Variants in AGBL4 observed in about 807,000 individuals in gnomAD.
The protein encoded by AGBL4 is cytosolic carboxypeptidase 6.
A neutral mutation model predicts 66.4 loss-of-function variants in AGBL4; 58 were observed. The ratio of observed to expected loss-of-function variants is 0.87; its 90% CI spans 0.71 to 1.09. AGBL4 has a LOEUF of 1.09. AGBL4 is among the 50% of genes least tolerant of loss of function. The pLI, the probability that AGBL4 is intolerant of heterozygous loss-of-function variation, is 0.00. For missense variants in AGBL4, 579 were observed against 631.0 expected, an observed-to-expected ratio of 0.92 and a Z score of 0.88; for synonymous variants, 234 against 222.9, an observed-to-expected ratio of 1.05 and a Z score of -0.44.
chr1:48,631,960 T>C (rs1557841195), intron 9 of AGBL4, among the ~76,000 whole-genome samples: 1 of 152,222 alleles, frequency 6.6e-6, no homozygotes, highest in African/African-American at 2.4e-5. Flanking sequence ...TACATACTTA[T>C]CAGTATTTAC....
chr1:49,433,582 C>T (rs1246008582), intron 3 of AGBL4, among the ~76,000 whole-genome samples: 2 of 152,006 alleles, frequency 1.3e-5, no homozygotes, highest in Non-Finnish European at 2.9e-5. Context: ...CCCATTTTTC[C>T]ACAAATATTA....
intron 2 of AGBL4, among the ~76,000 whole-genome samples, chr1:49,776,626 C>T (rs1644205222): frequency 6.6e-6 from 1 of 152,070 alleles, no homozygotes; most frequent in Non-Finnish European, 1.5e-5. Context: ...CATCACTGCT[C>T]TTCACATAAC....
At chr1:48,769,550 C>CACAT (rs1281175767) in intron 6 of AGBL4, among the ~76,000 whole-genome samples, 2 of 146,962 alleles carry the variant, frequency 1.4e-5, no homozygotes, top group Non-Finnish European at 3.0e-5. Flanking sequence ...CACACACACA[C>CACAT]ACACACACAC....
intron 11 of AGBL4, among the ~76,000 whole-genome samples, chr1:48,573,065 C>T (rs752935588): frequency 1.3e-5 from 2 of 152,178 alleles, no homozygotes; most frequent in Non-Finnish European, 2.9e-5. Flanking sequence ...GCCTCTACAC[C>T]GGCCCAGCGC....
the AGBL4 span, among the ~76,000 whole-genome samples, chr1:48,522,603 A>G: frequency 6.6e-6 from 1 of 152,190 alleles, no homozygotes; most frequent in Admixed American, 6.5e-5. Context: ...GATGTTAATT[A>G]GGTCCTCAGT....
intron 6 of AGBL4, among the ~76,000 whole-genome samples, chr1:48,852,015 C>CT (rs138826187): frequency 0.045 from 3,240 of 71,896 alleles, 389 homozygotes; most frequent in African/African-American, 0.15. Context: ...CAGATACGTA[C>CT]TTTTTTTTTT....
intron 3 of AGBL4, among the ~76,000 whole-genome samples, chr1:49,618,896 A>G (rs186239550): frequency 1.3e-5 from 2 of 152,232 alleles, no homozygotes; most frequent in Admixed American, 1.3e-4. Flanking sequence ...AGATGCAAAA[A>G]TACCTTCGAT....
At position 48,940,321 on chromosome 1, in the gene AGBL4, T is replaced by C. The variant is rs547241169; in HGVS notation, c.595-73091A>G. Among the ~76,000 whole-genome samples the C allele has an allele frequency of 9.9e-5, 15 of 152,144 alleles. No homozygotes were observed. In the South Asian group the frequency reaches 2.7e-3, roughly 27 times the overall value. On this transcript the variant is annotated intron_variant, in intron 5 of 13. Transcript: ENST00000371839. ...TGAACCCAGGAGGCGGAGGTTGCAG[T>C]GAGCCGAGATCATGCCACTGCACTC...
chr1:49,674,263 A>G (rs1646537097), intron 3 of AGBL4, among the ~76,000 whole-genome samples: 1 of 151,932 alleles, frequency 6.6e-6, no homozygotes, highest in Admixed American at 6.6e-5. Flanking sequence ...AGGTGGGTAA[A>G]ATGAGGCTAG....
chr1:48,723,730 T>A (rs1333261866), intron 6 of AGBL4, among the ~76,000 whole-genome samples: 3 of 152,230 alleles, frequency 2.0e-5, no homozygotes, highest in Non-Finnish European at 4.4e-5. Flanking sequence ...TTTTCACCTA[T>A]TAAGTGGGCA....
chr1:49,804,351 T>C (rs1644930114), intron 2 of AGBL4, among the ~76,000 whole-genome samples: 1 of 152,148 alleles, frequency 6.6e-6, no homozygotes, highest in African/African-American at 2.4e-5. Context: ...GATAATTCTT[T>C]CAATGTGTCC....
At chr1:48,786,662 C>T (rs1645414322) in intron 6 of AGBL4, among the ~76,000 whole-genome samples, 1 of 152,202 alleles carries the variant, frequency 6.6e-6, no homozygotes, top group Admixed American at 6.5e-5. Context: ...GGCTTCCTTA[C>T]ACCAGAGTCT....
intron 4 of AGBL4, among the ~76,000 whole-genome samples, chr1:49,230,031 A>G (rs1650191411): frequency 6.6e-6 from 1 of 152,242 alleles, no homozygotes. Flanking sequence ...GTCAAGAGCC[A>G]TACTGATACC....
At chr1:49,179,210 G>GC (rs1646884121) in intron 4 of AGBL4, among the ~76,000 whole-genome samples, 2 of 152,164 alleles carry the variant, frequency 1.3e-5, no homozygotes, top group Non-Finnish European at 2.9e-5. Flanking sequence ...CTGAATGCAA[G>GC]TAACCAGTAA....
intron 5 of AGBL4, among the ~76,000 whole-genome samples, chr1:49,006,461 C>CTTGCTTAGGTAAA (rs1661828388): frequency 6.6e-6 from 1 of 152,238 alleles, no homozygotes; most frequent in South Asian, 2.1e-4. Flanking sequence ...GGGGCGCCCG[C>CTTGCTTAGGTAAA]CATTGCCCAG....
chr1:49,200,306 C>T (rs931287277), intron 4 of AGBL4, among the ~76,000 whole-genome samples: 5 of 152,228 alleles, frequency 3.3e-5, no homozygotes, highest in Non-Finnish European at 5.9e-5. Context: ...AACTGTGTTT[C>T]TTCCTACTTT....
intron 3 of AGBL4, among the ~76,000 whole-genome samples, chr1:49,532,476 C>A (rs892787390): frequency 2.0e-5 from 3 of 151,990 alleles, no homozygotes; most frequent in Non-Finnish European, 2.9e-5. Flanking sequence ...TCTTCTAATC[C>A]CTTCCTTGTT....
chr1:49,015,603 T>G (rs1049678927), intron 5 of AGBL4, among the ~76,000 whole-genome samples: 2 of 151,594 alleles, frequency 1.3e-5, no homozygotes, highest in African/African-American at 4.9e-5. Flanking sequence ...TTTTTTTATT[T>G]TTAGTACAGA....
At chr1:49,381,247 G>C (rs1319531961) in intron 3 of AGBL4, among the ~76,000 whole-genome samples, 1 of 152,166 alleles carries the variant, frequency 6.6e-6, no homozygotes, top group Non-Finnish European at 1.5e-5. Flanking sequence ...ATGAAAAAAT[G>C]CTCACCATCA....
Sources: allele counts gnomAD v4.1 joint callset (sites outside exome capture counted in the v4.1 genomes callset), GRCh38; gene constraint gnomAD v4.1.1; transcripts MANE v1.5; gene names NCBI Gene and HGNC (gene_info 2026-07-23, HGNC 2026-07-21).